ATP13A1: variants seen among roughly 807,000 people sequenced by gnomAD.
ATP13A1 encodes endoplasmic reticulum transmembrane helix translocase.
Under a neutral mutation model 134.8 loss-of-function variants are expected in ATP13A1, and 55 were observed. The ratio of observed to expected loss-of-function variants is 0.41; its 90% CI spans 0.33 to 0.51. The LOEUF (loss-of-function observed/expected upper bound fraction) is 0.51. ATP13A1 is among the 20% of genes least tolerant of loss of function. ATP13A1 has a pLI of 0.29. For synonymous variants in ATP13A1, 775 were observed against 725.1 expected, an observed-to-expected ratio of 1.07 and a Z score of -1.10; for missense variants, 1,389 against 1,652.8, an observed-to-expected ratio of 0.84 and a Z score of 2.77.
chr19:19,653,839 C>T lies in ATP13A1; in HGVS notation c.2045G>A (p.Gly682Glu). The change falls in exon 15 of 26, where the codon GGA (glycine) becomes GAA (glutamate). Residue 682 changes from glycine (G) to glutamate (E), a missense_variant. Physicochemically the swap from Gly to Glu is moderately conservative, Grantham distance 98 (BLOSUM62 -2). Transcript: ENST00000357324. This position sits in a 1 kb window ranked among gnomAD's most constrained non-coding sequence, Gnocchi z 4.2. Reference protein sequence around the residue: ...HHIHTEISREGARVLALGYKE... With the variant: ...HHIHTEISREEARVLALGYKE... ...GTACCCCAGCGCCAGGACGCGGGCT[C>T]CTTCCCGGGAGATCTCGGTGTGGAT... The T allele has an allele frequency of 1.9e-6, 3 of 1,563,248 alleles. No individual in the cohort carries two copies. The highest frequency in any genetic ancestry group is 2.6e-6 in the Non-Finnish European group (3 of 1,154,268).
At position 19,645,797 on chromosome 19, in the gene ATP13A1, G is replaced by A. The variant is rs1346243243; in HGVS notation, c.3361-7C>T. 5.7e-6 allele frequency: 9 copies of A among 1,586,556 alleles called. No homozygotes were observed. Among genetic ancestry groups the A allele is most frequent in the Non-Finnish European group, 6.0e-6 (7 of 1,163,268 alleles). On this transcript the variant is annotated splice_region_variant and splice_polypyrimidine_tract_variant and intron_variant, in intron 24 of 25. Transcript: ENST00000357324. This position sits in a 1 kb window ranked among gnomAD's most constrained non-coding sequence, Gnocchi z 4.1. ...TCTCCATGAAGGGCGGGCCCTGTGG[G>A]GATGAGGGACAGATGGCTTCATGGG...
At position 19,647,539 on chromosome 19, in the gene ATP13A1, G is replaced by T; in HGVS notation, c.2794-11C>A. 6.2e-7 allele frequency: 1 copy of T among 1,612,476 alleles called. No individual in the cohort carries two copies. The highest frequency in any genetic ancestry group is 8.5e-7 in the Non-Finnish European group (1 of 1,179,124). ...CTGGCTCAGGCGGTCCTGCAGGGTA[G>T]ACAGCAGGCTGTCAGCCCTGGCCAG... On this transcript the variant is annotated splice_polypyrimidine_tract_variant and intron_variant, in intron 20 of 25. Transcript: ENST00000357324. This position sits in a 1 kb window ranked among gnomAD's most constrained non-coding sequence, Gnocchi z 4.8.
Position 19,659,926 on chromosome 19 carries a change from G to A in ATP13A1, c.458C>T (p.Thr153Met), listed in dbSNP as rs749517626. ...KVVPTPNNGS[T>M]ELVALHRNEG... Reference sequence around the variant, plus strand: ...ATTGCGGTGCAGGGCCACGAGCTCCGTGGAGCCATTGTTGGGGGTTGGCAC... The same window carrying A: ...ATTGCGGTGCAGGGCCACGAGCTCCATGGAGCCATTGTTGGGGGTTGGCAC... The change falls in exon 2 of 26, where the codon ACG (threonine) becomes ATG (methionine). Residue 153 changes from threonine to methionine, a missense_variant. Physicochemically the swap from Thr to Met is moderately conservative, Grantham distance 81. This residue lies in a region of ATP13A1 where 293 missense variants were observed against 270.8 expected (regional missense o/e 1.08). Transcript: ENST00000357324. 7.3e-5 allele frequency: 116 copies of A among 1,587,432 alleles called. 1 individual carries two copies. In the South Asian group the frequency reaches 9.8e-4, roughly 13 times the overall value.
intron 16 of ATP13A1, among the ~76,000 whole-genome samples, 166 bp from the exon 17 acceptor site, chr19:19,651,963 G>A (rs2062027472): frequency 6.6e-6 from 1 of 151,668 alleles, no homozygotes; most frequent in Non-Finnish European, 1.5e-5. Flanking sequence ...CCCCCACCCA[G>A]GTCATTTTAC....
chr19:19,650,077 C>T lies in ATP13A1; in HGVS notation c.2336-137G>A, dbSNP rs942142568. The T allele has an allele frequency of 1.5e-5, 11 of 755,160 alleles. No homozygotes were observed. The African/African-American group carries it at 1.6e-4, about 11-fold the overall frequency. 46.8% of individuals were successfully genotyped at this position (755,160 alleles called of 1,614,324 possible). On this transcript the variant is annotated intron_variant, in intron 17 of 25. Coordinates refer to ENST00000357324, the MANE Select transcript of ATP13A1 (RefSeq NM_020410.3). ...CCTCCCTACCCACCCAGGTGACCCC[C>T]AGCCCTTCTCTGGGGACTCCACAAA... is the stretch of plus-strand genomic sequence containing the variant.
intron 15 of ATP13A1, 135 bp from the exon 16 acceptor site, chr19:19,652,855 G>C (rs1041337303): frequency 1.6e-6 from 2 of 1,266,510 alleles, no homozygotes; most frequent in Admixed American, 2.7e-5. Context: ...ACATGCGAGG[G>C]TTGGGAGGGG....
At chr19:19,646,694 G>A (rs1463507593) in intron 22 of ATP13A1, 15 of 408,462 alleles carry the variant, frequency 3.7e-5, no homozygotes, top group Non-Finnish European at 6.4e-5. Context: ...GACTCCCTGC[G>A]TCAGCCCATG....
In ATP13A1 at chr19:19,655,492, G is replaced by T. The variant is rs1599433957; in HGVS notation, c.1396+36C>A. The T allele has an allele frequency of 6.2e-7, 1 of 1,613,890 alleles. No homozygotes were observed. Among genetic ancestry groups the T allele is most frequent in the Non-Finnish European group, 8.5e-7 (1 of 1,179,890 alleles). ...GCCTGCCAACCTGGAGCCTCGGAGG[G>T]TGGGCGCAGGGGACCACAGAGGCCG... On this transcript the variant is annotated intron_variant, in intron 10 of 25. Transcript: ENST00000357324. This position sits in a 1 kb window ranked among gnomAD's most constrained non-coding sequence, Gnocchi z 5.7.
At position 19,663,090 on chromosome 19, in the gene ATP13A1, A is replaced by G. The variant is rs185161748; in HGVS notation, c.396+181T>C. 201 of 882,990 alleles carry G rather than the reference A, an allele frequency of 2.3e-4. 3 individuals carry two copies. The East Asian group carries it at 4.1e-3, about 18-fold the overall frequency. 54.7% of individuals were successfully genotyped at this position (882,990 alleles called of 1,614,324 possible). ...AGGAAATAACCCGCACCAGGCATGCACAGCAAGTCAGCAGTGGGGTCATGA... is the reference window on the plus strand; with the variant it reads ...AGGAAATAACCCGCACCAGGCATGCGCAGCAAGTCAGCAGTGGGGTCATGA... On this transcript the variant is annotated intron_variant, in intron 1 of 25. Coordinates refer to ENST00000357324, the MANE Select transcript of ATP13A1 (RefSeq NM_020410.3).
rs1365567921 is a variant in ATP13A1, at chr19:19,654,550, C to T, written c.1806G>A (p.Leu602=). 6.2e-7 allele frequency: 1 copy of T among 1,607,124 alleles called. No individual in the cohort carries two copies. Among genetic ancestry groups the T allele is most frequent in the Non-Finnish European group, 8.5e-7 (1 of 1,177,250 alleles). The change falls in exon 13 of 26, where the codon CTG becomes CTA. Residue 602 remains leucine, a synonymous_variant. Coordinates refer to ENST00000357324, the MANE Select transcript of ATP13A1 (RefSeq NM_020410.3). The stretch of plus-strand genomic sequence containing the variant: ...GAGGCCCCAGCCCCTCACCTTTGGT[C>T]AGCGTCCAGTCCACGGCCGTCAGCA... ...KAMLTAVDWT[L]TKDEKVFPRS...
At chr19:19,650,855 C>T (rs1222100418) in intron 17 of ATP13A1, 1 of 152,370 alleles carries the variant, frequency 6.6e-6, no homozygotes, top group Admixed American at 6.5e-5. Context: ...AGGTCCTGAA[C>T]TGCGTGCGCC....
In ATP13A1 at chr19:19,653,584, G is replaced by A. The variant is rs1025889582; in HGVS notation, c.2100+200C>T. 2.8e-5 allele frequency: 17 copies of A among 605,064 alleles called. 1 individual carries two copies. The Admixed American group carries it at 4.0e-4, about 14-fold the overall frequency. The allele number at this position is 605,064 out of a possible 1,614,324, so 37.5% of individuals were successfully genotyped here. ...CAGGTAAGCCCTGCGTGTGCTCTGCGTGAGCCAGGACTGGGTGGGTCCCCA... is the reference window on the plus strand; with the variant it reads ...CAGGTAAGCCCTGCGTGTGCTCTGCATGAGCCAGGACTGGGTGGGTCCCCA... On this transcript the variant is annotated intron_variant, in intron 15 of 25. Transcript: ENST00000357324. This position sits in a 1 kb window ranked among gnomAD's most constrained non-coding sequence, Gnocchi z 4.2.
chr19:19,646,088 T>C lies in ATP13A1; in HGVS notation c.3249-103A>G. The C allele has an allele frequency of 3.1e-6, 5 of 1,589,046 alleles. No individual in the cohort carries two copies. In the South Asian group the frequency reaches 5.6e-5, roughly 18 times the overall value. On this transcript the variant is annotated intron_variant, in intron 23 of 25. Coordinates refer to ENST00000357324, the MANE Select transcript of ATP13A1 (RefSeq NM_020410.3). Reference sequence around the variant, plus strand: ...CACAGAGCTAGGGCTCTGCCTGGCCTAGTGCCCCTCCCTGGACACCCTGGA... The same window carrying C: ...CACAGAGCTAGGGCTCTGCCTGGCCCAGTGCCCCTCCCTGGACACCCTGGA...
rs772672982 is a variant in ATP13A1, at chr19:19,663,328, G to A, written c.339C>T (p.Leu113=). ...VLATICLAHA[L]TVLSGHWSVH... is the part of the protein sequence containing the mutation. ...CAGACCAATGCCCCGAGAGGACAGT[G>A]AGCGCGTGCGCGAGGCAGATGGTGG... Residue 113 remains leucine (L), a synonymous_variant, in exon 1 of 26, where the codon CTC becomes CTT. Transcript: ENST00000357324. The A allele has an allele frequency of 5.3e-5, 85 of 1,592,092 alleles. No homozygotes were observed. The highest frequency in any genetic ancestry group is 1.6e-4 in the Middle Eastern group (1 of 6,062).
At position 19,656,731 on chromosome 19, in the gene ATP13A1, C is replaced by G; in HGVS notation, c.1012G>C (p.Val338Leu). 1 of 1,613,810 alleles carries G rather than the reference C, an allele frequency of 6.2e-7. No individual in the cohort carries two copies. The highest frequency in any genetic ancestry group is 1.1e-5 in the South Asian group (1 of 91,086). ...SPQENLVPCD[V>L]LLLRGRCIVD... ...ATGCAGCGGCCTCGCAGCAGAAGCA[C>G]GTCACATGGCACCAGGTTCTCCTGT... The change falls in exon 7 of 26, where the codon GTG becomes CTG. Residue 338 changes from valine to leucine, a missense_variant. Around this residue, in one of 4 missense-constraint regions of ATP13A1, gnomAD observed 747 missense variants for 956.1 expected, o/e 0.78. Coordinates refer to ENST00000357324, the MANE Select transcript of ATP13A1 (RefSeq NM_020410.3). This position sits in a 1 kb window ranked among gnomAD's most constrained non-coding sequence, Gnocchi z 4.6.
Position 19,646,911 on chromosome 19 carries a change from C to T in ATP13A1, c.3105+218G>A, listed in dbSNP as rs35645922. ...GTGGGGCCCACCCCTGGGACCCCTA[C>T]CTGTGGACAGGTGTGGACGCCAAGC... is the stretch of plus-strand genomic sequence containing the variant. On this transcript the variant is annotated intron_variant, in intron 22 of 25. Transcript: ENST00000357324. 264 of 577,566 alleles carry T rather than the reference C, an allele frequency of 4.6e-4. 1 individual carries two copies. The highest frequency in any genetic ancestry group is 6.0e-4 in the Non-Finnish European group (196 of 329,050). 35.8% of individuals were successfully genotyped at this position (577,566 alleles called of 1,614,324 possible). A position where few individuals can be genotyped will look rare whatever the true frequency, so the allele number is the denominator to read the frequency against.
Position 19,645,802 on chromosome 19 carries a change from A to C in ATP13A1, c.3361-12T>G. On this transcript the variant is annotated splice_polypyrimidine_tract_variant and intron_variant, in intron 24 of 25. Coordinates refer to ENST00000357324, the MANE Select transcript of ATP13A1 (RefSeq NM_020410.3). The surrounding 1 kb of genome is among the most constrained non-coding windows in gnomAD (Gnocchi z 4.1). ...ATGAAGGGCGGGCCCTGTGGGGATGAGGGACAGATGGCTTCATGGGGTGGG... is the reference window on the plus strand; with the variant it reads ...ATGAAGGGCGGGCCCTGTGGGGATGCGGGACAGATGGCTTCATGGGGTGGG... 2 of 1,176,184 alleles carry C rather than the reference A, an allele frequency of 1.7e-6. No homozygotes were observed. Among genetic ancestry groups the C allele is most frequent in the Non-Finnish European group, 2.3e-6 (2 of 879,838 alleles). 72.9% of individuals were successfully genotyped at this position (1,176,184 alleles called of 1,614,324 possible).
At position 19,655,445 on chromosome 19, in the gene ATP13A1, C is replaced by A. The variant is rs763998032; in HGVS notation, c.1405G>T (p.Asp469Tyr). The A allele has an allele frequency of 6.2e-7, 1 of 1,613,914 alleles. No homozygotes were observed. Among genetic ancestry groups the A allele is most frequent in the Non-Finnish European group, 8.5e-7 (1 of 1,179,866 alleles). The change falls in exon 11 of 26, where the codon GAC becomes TAC. Residue 469 changes from aspartate to tyrosine, a missense_variant. By Grantham distance (160) the Asp-to-Tyr change is radical (BLOSUM62 -3). This residue lies in a region of ATP13A1 where 747 missense variants were observed against 956.1 expected (regional missense o/e 0.78). Transcript: ENST00000357324. The surrounding 1 kb of genome is among the most constrained non-coding windows in gnomAD (Gnocchi z 5.7). ...AGCTTGTAGCGGTTCCGGCTGGGGT[C>A]CTTGGTACCTGTGGAGACAGGGCCT... ...AAYVWIEGTKDPSRNRYKLFL... is the reference protein window; with the variant it reads ...AAYVWIEGTKYPSRNRYKLFL...
intron 19 of ATP13A1, among the ~76,000 whole-genome samples, chr19:19,648,807 CAAAAAAAA>C (rs71172506): frequency 2.5e-5 from 1 of 40,318 alleles, no homozygotes; most frequent in Non-Finnish European, 4.5e-5. Flanking sequence ...GAAACTGTCT[CAAAAAAAA>C]AAAAAAAAAA....
Sources: gnomAD v4.1 joint callset for allele counts (sites outside exome capture counted in the v4.1 genomes callset) on GRCh38, gnomAD v4.1.1 for gene constraint, gnomAD v4.1.1 regional missense constraint, Gnocchi (gnomAD v3.1) non-coding constraint, MANE v1.5 for transcripts, NCBI Gene and HGNC (gene_info 2026-07-23, HGNC 2026-07-21) for gene names.